The following NPM1 variants were observed in gnomAD, a reference collection of about 807,000 sequenced individuals.
NPM1 encodes the protein nucleophosmin.
Under a neutral mutation model 44.1 loss-of-function variants are expected in NPM1, and 1 was observed. That is an observed-to-expected ratio of 0.02 (90% CI 0.01 to 0.11). The LOEUF is 0.11. Among genes scored for constraint, NPM1 ranks in the 10% least tolerant of loss-of-function variants. The pLI is 1.00. For missense variants in NPM1, 197 were observed against 347.8 expected (o/e 0.57, Z 3.45); for synonymous variants, 126 against 111.8 (o/e 1.13, Z -0.80).
At chr5:171,401,272 T>C (rs1303712254) in intron 8 of NPM1, among the ~76,000 whole-genome samples, 1 of 151,844 alleles carries the variant, frequency 6.6e-6, no homozygotes, top group Admixed American at 6.6e-5. Context: ...ACAGGAGAAT[T>C]GCTTGAACCT....
At chr5:171,408,123 GC>G (rs755957513) in intron 10 of NPM1, among the ~76,000 whole-genome samples, 29 of 148,168 alleles carry the variant, frequency 2.0e-4, no homozygotes, top group Non-Finnish European at 3.0e-4. Context: ...TCTGGTCTTG[GC>G]TTTTTTGGGA....
At chr5:171,410,484 GTGT>G (rs771387627) in intron 10 of NPM1, 40 bp from the exon 11 acceptor site, 2 of 1,266,750 alleles carry the variant, frequency 1.6e-6, no homozygotes, top group Admixed American at 4.2e-5. Flanking sequence ...TGTCTATGAA[GTGT>G]TGTGGTTCCT....
intron 8 of NPM1, among the ~76,000 whole-genome samples, chr5:171,401,151 A>C (rs1171665371): frequency 1.3e-5 from 2 of 151,998 alleles, no homozygotes; most frequent in East Asian, 3.9e-4. Flanking sequence ...TGAGGTCAGG[A>C]GTTTGAGACT....
At chr5:171,406,350 C>T in intron 9 of NPM1, 2 of 1,528,448 alleles carry the variant, frequency 1.3e-6, no homozygotes, top group Non-Finnish European at 1.8e-6. Flanking sequence ...TTTAGATGCC[C>T]CTCCCCTCCA....
intron 10 of NPM1, among the ~76,000 whole-genome samples, chr5:171,408,756 C>T (rs1041846086): frequency 1.3e-5 from 2 of 152,004 alleles, no homozygotes; most frequent in Admixed American, 6.6e-5. Context: ...TTTGAAACTC[C>T]GCGTTATGCA....
rs1252780627 is a variant in NPM1, at chr5:171,403,595, G to A, written c.670-1707G>A. On this transcript the variant is annotated intron_variant, in intron 8 of 10. Transcript: ENST00000296930. ...CCAGTAGGGGCGGCTGGGCAGAGGC[G>A]CCCCTCACCTCCCGGACGGGGCGGC... Among the ~76,000 whole-genome samples the A allele has an allele frequency of 2.1e-4, 24 of 112,424 alleles. 1 individual carries two copies. In the South Asian group the frequency reaches 4.8e-3, roughly 22 times the overall value. 73.8% of individuals were successfully genotyped at this position (112,424 alleles called of 152,430 possible).
intron 8 of NPM1, among the ~76,000 whole-genome samples, chr5:171,401,265 G>A (rs556458434): frequency 9.2e-5 from 14 of 152,130 alleles, no homozygotes; most frequent in Admixed American, 5.9e-4. Context: ...GGTGGAGACA[G>A]GAGAATTGCT....
In NPM1 at chr5:171,405,378, CA is replaced by C; in HGVS notation, c.751del (p.Met251CysfsTer5). 1 of 1,567,164 alleles carries C rather than the reference CA, an allele frequency of 6.4e-7. No individual in the cohort carries two copies. Among genetic ancestry groups the C allele is most frequent in the South Asian group, 1.1e-5 (1 of 87,172 alleles). On this transcript the variant is annotated frameshift_variant, in exon 9 of 11. Transcript: ENST00000296930. LOFTEE classifies it high-confidence loss of function. ...KGPSSVEDIK[A>X]KMQASIEKGG... Reference sequence around the variant, plus strand: ...CCTAGTTCTGTAGAAGACATTAAAGCAAAAATGCAAGCAAGTATAGAAAAAG... The same window carrying C: ...CCTAGTTCTGTAGAAGACATTAAAGCAAAATGCAAGCAAGTATAGAAAAAG...
chr5:171,400,168 T>C lies in NPM1; in HGVS notation c.540T>C (p.Asp180=), dbSNP rs140888436. The part of the protein sequence containing the change: ...EDDDEDDDDD[D]FDDEEAEEKA... ...TCATTTGTAGTGATGATGATGATGA[T>C]TTTGATGATGAGGAAGCTGAAGAAA... Residue 180 remains aspartate (D), a synonymous_variant, in exon 7 of 11, where the codon GAT becomes GAC. Transcript: ENST00000296930. 1 of 1,591,530 alleles carries C rather than the reference T, an allele frequency of 6.3e-7. No homozygotes were observed. Among genetic ancestry groups the C allele is most frequent in the African/African-American group, 1.3e-5 (1 of 74,486 alleles).
At chr5:171,401,077 G>C in intron 8 of NPM1, 152 bp downstream of exon 8, 2 of 615,606 alleles carry the variant, frequency 3.2e-6, no homozygotes, top group Non-Finnish European at 5.8e-6. Context: ...CTGCAGCCAG[G>C]CTCAGTGGCT....
At chr5:171,409,121 T>G (rs997552607) in intron 10 of NPM1, among the ~76,000 whole-genome samples, 14 of 152,120 alleles carry the variant, frequency 9.2e-5, no homozygotes, top group Admixed American at 2.0e-4. Flanking sequence ...ACCAGAAGTA[T>G]TTTTTTGCTC....
rs1402342292 is a variant in NPM1, at chr5:171,398,538, G to T, written c.525-1615G>T. On this transcript the variant is annotated intron_variant, in intron 6 of 10. Transcript: ENST00000296930. ...ACCTGTAATCCCGGCACTTTGAGAG[G>T]CTGAGGCAGGCGGATCATGACCAGG... Among the ~76,000 whole-genome samples, 50 of 152,140 alleles carry T rather than the reference G, an allele frequency of 3.3e-4. 1 individual carries two copies. The highest frequency in any genetic ancestry group is 3.3e-3 in the Admixed American group (50 of 15,272).
chr5:171,389,971 C>T (rs1423132831), intron 1 of NPM1, 80 bp from the exon 2 acceptor site: 3 of 800,102 alleles, frequency 3.7e-6, no homozygotes, highest in Non-Finnish European at 6.3e-6. Flanking sequence ...AAAAGTTAGA[C>T]CTGACCTTTT....
At chr5:171,392,470 C>T (rs2113177344) in intron 4 of NPM1, among the ~76,000 whole-genome samples, 1 of 152,150 alleles carries the variant, frequency 6.6e-6, no homozygotes, top group East Asian at 1.9e-4. Context: ...CCTTGGCCTC[C>T]CCAAAGTGAG....
chr5:171,388,968 G>T (rs1466229953), intron 1 of NPM1, among the ~76,000 whole-genome samples: 1 of 152,204 alleles, frequency 6.6e-6, no homozygotes, highest in East Asian at 1.9e-4. Flanking sequence ...TTAGGGGGAC[G>T]TCCTCGCATG....
intron 2 of NPM1, 53 bp downstream of exon 2, chr5:171,390,183 A>G (rs1342221308): frequency 5.7e-6 from 6 of 1,059,452 alleles, no homozygotes; most frequent in Non-Finnish European, 6.9e-6. Flanking sequence ...TCAGCCTTTT[A>G]GTTTCTATTC....
In NPM1 at chr5:171,410,701, A is replaced by G. The variant is rs999937753; in HGVS notation, c.*136A>G. On this transcript the variant is annotated 3_prime_UTR_variant, in exon 11 of 11. Transcript: ENST00000296930. ...GTTTGATAAATGTTGTCCAGGTTCTATTGCCAAGAATGTGTTGTCCAAAAT... is the reference window on the plus strand; with the variant it reads ...GTTTGATAAATGTTGTCCAGGTTCTGTTGCCAAGAATGTGTTGTCCAAAAT... The G allele has an allele frequency of 8.7e-5, 48 of 550,760 alleles. No homozygotes were observed. The highest frequency in any genetic ancestry group is 1.9e-4 in the African/African-American group (10 of 52,062). The allele number at this position is 550,760 out of a possible 1,614,324, so 34.1% of individuals were successfully genotyped here.
At chr5:171,391,103 C>T (rs773845398) in intron 2 of NPM1, 2 of 560,838 alleles carry the variant, frequency 3.6e-6, no homozygotes, top group South Asian at 2.3e-5. Flanking sequence ...GGTTTGTAGC[C>T]TAGGTGTGTG....
chr5:171,402,011 A>G (rs1424985722), intron 8 of NPM1, among the ~76,000 whole-genome samples: 1 of 150,032 alleles, frequency 6.7e-6, no homozygotes, highest in Admixed American at 6.6e-5. Flanking sequence ...GCATCAGACT[A>G]CAGTGACTTT....
Sources: allele counts gnomAD v4.1 joint callset (sites outside exome capture counted in the v4.1 genomes callset), GRCh38; gene constraint gnomAD v4.1.1; transcripts MANE v1.5; gene names NCBI Gene and HGNC (gene_info 2026-07-23, HGNC 2026-07-21).